The following SMC1B variants were observed in gnomAD, a reference collection of about 807,000 sequenced individuals.
SMC1B encodes structural maintenance of chromosomes protein 1B.
Under a neutral mutation model 157.9 loss-of-function variants are expected in SMC1B, and 60 were observed. The ratio of observed to expected loss-of-function variants is 0.38; its 90% CI spans 0.31 to 0.47. SMC1B has a LOEUF of 0.47. Ranked by LOEUF, SMC1B falls within the 20% of genes least tolerant of loss-of-function variation. The pLI is 0.99. For missense variants in SMC1B, 1,165 were observed against 1,426.2 expected (o/e 0.82, Z 2.95); for synonymous variants, 445 against 483.0 (o/e 0.92, Z 1.03).
At chr22:45,372,120 A>C in intron 13 of SMC1B, 35 bp downstream of exon 13, 1 of 1,544,904 alleles carries the variant, frequency 6.5e-7, no homozygotes, top group South Asian at 1.2e-5. Context: ...GTTCTGGGTC[A>C]AATGCCTATC....
chr22:45,370,282 T>A (rs1008205267), intron 14 of SMC1B, among the ~76,000 whole-genome samples: 2 of 152,170 alleles, frequency 1.3e-5, no homozygotes, highest in Non-Finnish European at 2.9e-5. Context: ...AAGATCATAA[T>A]TGGCCTTATT....
intron 24 of SMC1B, among the ~76,000 whole-genome samples, chr22:45,345,081 C>G (rs986635030): frequency 1.8e-4 from 27 of 152,156 alleles, no homozygotes; most frequent in African/African-American, 6.0e-4. Flanking sequence ...GTTTTGTCCT[C>G]TGATACTTTT....
chr22:45,370,427 A>G (rs2086820045), intron 14 of SMC1B, among the ~76,000 whole-genome samples: 1 of 152,238 alleles, frequency 6.6e-6, no homozygotes, highest in African/African-American at 2.4e-5. Flanking sequence ...CACCTTTGCC[A>G]GTATAGTAAC....
chr22:45,368,614 T>C (rs1044517341), intron 15 of SMC1B, among the ~76,000 whole-genome samples: 2 of 150,794 alleles, frequency 1.3e-5, no homozygotes, highest in Non-Finnish European at 2.9e-5. Flanking sequence ...GCCTCCTGGG[T>C]TCAAGCAATT....
intron 10 of SMC1B, among the ~76,000 whole-genome samples, chr22:45,387,840 T>C (rs988268388): frequency 6.6e-6 from 1 of 152,134 alleles, no homozygotes; most frequent in Non-Finnish European, 1.5e-5. Context: ...AAGACCAGCC[T>C]GGCCAACATG....
chr22:45,386,919 T>C lies in SMC1B; in HGVS notation c.1859A>G (p.Glu620Gly), dbSNP rs1475754224. The C allele has an allele frequency of 6.8e-6, 11 of 1,614,016 alleles. No individual in the cohort carries two copies. Among genetic ancestry groups the C allele is most frequent in the Non-Finnish European group, 9.3e-6 (11 of 1,180,012 alleles). The change falls in exon 11 of 25, where the codon GAG (glutamate) becomes GGG (glycine). Residue 620 changes from glutamate to glycine, a missense_variant. Glu to Gly is a moderately conservative substitution (Grantham distance 98, BLOSUM62 -2). Transcript: ENST00000357450. ...QFVCGNGLVC[E>G]TMEEARHIAL... Reference sequence around the variant, plus strand: ...AATATGCCTTGCTTCTTCCATAGTCTCACAAACAAGACCATTTCCACACAC... The same window carrying C: ...AATATGCCTTGCTTCTTCCATAGTCCCACAAACAAGACCATTTCCACACAC...
At chr22:45,376,220 C>T (rs1038780809) in intron 12 of SMC1B, among the ~76,000 whole-genome samples, 4 of 152,294 alleles carry the variant, frequency 2.6e-5, no homozygotes, top group African/African-American at 9.6e-5. Flanking sequence ...AACAACAACT[C>T]ATTCTCTCCC....
intron 10 of SMC1B, among the ~76,000 whole-genome samples, chr22:45,388,900 T>G: frequency 6.9e-6 from 1 of 145,186 alleles, no homozygotes; most frequent in Non-Finnish European, 1.5e-5. Flanking sequence ...GGCAGGAGAA[T>G]TGCTTGAACC....
rs768128694 is a variant in SMC1B, at chr22:45,406,656, A to G, written c.419T>C (p.Val140Ala). The G allele has an allele frequency of 3.7e-6, 6 of 1,607,804 alleles. No individual in the cohort carries two copies. In the South Asian group the frequency reaches 6.7e-5, roughly 18 times the overall value. ...GGGTTTCTTCACTGAAATTGACTCT[A>G]CAGTTCCCTTTTAAAAACAGTAATG... ...AQNCLVFQGT[V>A]ESISVKKPKE... Residue 140 changes from valine to alanine, a missense_variant, in exon 4 of 25, where the codon GTA becomes GCA. Transcript: ENST00000357450.
At chr22:45,365,847 C>T (rs2086770689) in intron 15 of SMC1B, among the ~76,000 whole-genome samples, 1 of 151,850 alleles carries the variant, frequency 6.6e-6, no homozygotes, top group Admixed American at 6.6e-5. Flanking sequence ...ACATAGATCT[C>T]TATGGGAAAA....
At position 45,387,037 on chromosome 22, in the gene SMC1B, T is replaced by G; in HGVS notation, c.1741A>C (p.Ile581Leu). The stretch of plus-strand genomic sequence containing the variant: ...TTAAGCTCCCTTAGTCTTTCATTGA[T>G]TGGCTTGATCTAAAGGGTTTTAAAA... Reference protein sequence around the residue: ...LALDYLDIKPINERLRELKGC... With the variant: ...LALDYLDIKPLNERLRELKGC... The change falls in exon 11 of 25, where the codon ATC becomes CTC. Residue 581 changes from isoleucine to leucine, a missense_variant. Transcript: ENST00000357450. 6.2e-7 allele frequency: 1 copy of G among 1,612,844 alleles called. No individual in the cohort carries two copies. The highest frequency in any genetic ancestry group is 8.5e-7 in the Non-Finnish European group (1 of 1,179,086).
intron 3 of SMC1B, 25 bp from the exon 4 acceptor site, chr22:45,406,688 A>T (rs747791991): frequency 6.3e-7 from 1 of 1,593,834 alleles, no homozygotes; most frequent in African/African-American, 1.4e-5. Flanking sequence ...AATGCACATC[A>T]ACATATAAAA....
chr22:45,413,155 G>T (rs565280442), intron 1 of SMC1B, among the ~76,000 whole-genome samples: 128 of 152,274 alleles, frequency 8.4e-4, no homozygotes, highest in African/African-American at 3.0e-3. Context: ...CGGGAGCCAG[G>T]AGGTGGAGGG....
intron 4 of SMC1B, 84 bp downstream of exon 4, chr22:45,406,376 G>A (rs1020078599): frequency 1.1e-5 from 12 of 1,086,346 alleles, no homozygotes; most frequent in Admixed American, 1.0e-4. Context: ...AATCTTCTTG[G>A]TAAGCCCAAG....
At chr22:45,363,657 C>T (rs943773739) in intron 15 of SMC1B, among the ~76,000 whole-genome samples, 21 of 151,592 alleles carry the variant, frequency 1.4e-4, no homozygotes, top group Non-Finnish European at 2.9e-5. Context: ...GCCTGGGTGA[C>T]AAAGTGAGAC....
At chr22:45,360,103 C>A in intron 17 of SMC1B, 145 bp from the exon 18 acceptor site, 1 of 630,552 alleles carries the variant, frequency 1.6e-6, no homozygotes, top group Non-Finnish European at 2.7e-6. Flanking sequence ...CTCATTGATG[C>A]TTGTAATTTA....
intron 11 of SMC1B, among the ~76,000 whole-genome samples, chr22:45,384,644 T>C (rs1287152742): frequency 6.6e-6 from 1 of 151,088 alleles, no homozygotes; most frequent in African/African-American, 2.4e-5. Flanking sequence ...CGCTTGAACC[T>C]GGGAGGCAGA....
chr22:45,366,007 G>GT (rs1367762092), intron 15 of SMC1B, among the ~76,000 whole-genome samples: 1 of 151,780 alleles, frequency 6.6e-6, no homozygotes, highest in Non-Finnish European at 1.5e-5. Context: ...CATTTTGGTT[G>GT]TTTTTTGGGT....
At chr22:45,398,069 G>C (rs999069409) in intron 6 of SMC1B, among the ~76,000 whole-genome samples, 5 of 152,198 alleles carry the variant, frequency 3.3e-5, no homozygotes, top group Non-Finnish European at 7.3e-5. Flanking sequence ...CTGAGGGCCA[G>C]AGTGGGTCAA....
Sources: allele counts gnomAD v4.1 joint callset (sites outside exome capture counted in the v4.1 genomes callset), GRCh38; gene constraint gnomAD v4.1.1; transcripts MANE v1.5; gene names NCBI Gene and HGNC (gene_info 2026-07-23, HGNC 2026-07-21).